Variants in COL25A1 observed in about 807,000 individuals in gnomAD.
COL25A1 encodes collagen alpha-1(XXV) chain.
In COL25A1, 103 loss-of-function variants were observed where a neutral mutation model predicts 128.4. The ratio of observed to expected loss-of-function variants is 0.80; its 90% confidence interval spans 0.68 to 0.94. The LOEUF (loss-of-function observed/expected upper bound fraction) is 0.94. Ranked by LOEUF, COL25A1 falls within the 40% of genes least tolerant of loss-of-function variation. The pLI is 0.00. For missense variants in COL25A1, 745 were observed against 840.0 expected (o/e 0.89, Z 1.40); for synonymous variants, 279 against 277.2 (o/e 1.01, Z -0.06).
intron 30 of COL25A1, 67 bp from the exon 31 acceptor site, chr4:108,841,788 A>G (rs1734493802): frequency 1.6e-6 from 2 of 1,214,416 alleles, no homozygotes; most frequent in South Asian, 1.2e-5. Flanking sequence ...AGTGAATATT[A>G]TATCACATAA....
At chr4:109,087,524 C>T (rs925905503) in intron 3 of COL25A1, among the ~76,000 whole-genome samples, 2 of 152,272 alleles carry the variant, frequency 1.3e-5, no homozygotes, top group Admixed American at 6.5e-5. Context: ...TCTAAACTTA[C>T]ATGCACACAT....
rs765991576 is a variant in COL25A1 at position 109,093,472 on chromosome 4, A to AAAAAAAAAAAAAAAAAC, written c.368-43294_368-43293insGTTTTTTTTTTTTTTTT. On this transcript the variant is annotated intron_variant, in intron 3 of 37. Transcript: ENST00000399132. Reference sequence around the variant, plus strand: ...CCATCTCTATGAAAAAAAAAAAAAAAAAAACCTTTTTTAAATTAGTTAACT... The same window carrying AAAAAAAAAAAAAAAAAC: ...CCATCTCTATGAAAAAAAAAAAAAAAAAAAAAAAAAAAAAAACAAAACCTTTTTTAAATTAGTTAACT... Among the ~76,000 whole-genome samples the AAAAAAAAAAAAAAAAAC allele has an allele frequency of 3.2e-4, 46 of 145,528 alleles. 1 individual carries two copies. Among genetic ancestry groups the AAAAAAAAAAAAAAAAAC allele is most frequent in the African/African-American group, 9.1e-4 (35 of 38,458 alleles).
At chr4:109,260,317 A>G (rs936492649) in intron 3 of COL25A1, among the ~76,000 whole-genome samples, 9 of 152,206 alleles carry the variant, frequency 5.9e-5, no homozygotes, top group African/African-American at 2.2e-4. Flanking sequence ...ACACTGGGTC[A>G]AATTTTTTTT....
chr4:108,918,261 T>C (rs1745097252), intron 12 of COL25A1, 45 bp from the exon 13 acceptor site: 5 of 1,355,432 alleles, frequency 3.7e-6, no homozygotes, highest in Non-Finnish European at 5.1e-6. Context: ...ATACACAAAA[T>C]ATTTCAATTC....
chr4:108,972,514 G>T (rs1019208774), intron 8 of COL25A1, among the ~76,000 whole-genome samples: 1 of 152,058 alleles, frequency 6.6e-6, no homozygotes, highest in Non-Finnish European at 1.5e-5. Flanking sequence ...AATGAGACCT[G>T]CTTGGAATCT....
chr4:109,203,369 A>G (rs1230400443), intron 3 of COL25A1, among the ~76,000 whole-genome samples: 1 of 152,200 alleles, frequency 6.6e-6, no homozygotes, highest in East Asian at 1.9e-4. Flanking sequence ...TTTGGAAATG[A>G]GAGTTCTCAA....
intron 6 of COL25A1, among the ~76,000 whole-genome samples, chr4:109,000,621 C>T (rs188934481): frequency 6.6e-6 from 1 of 151,850 alleles, no homozygotes; most frequent in Non-Finnish European, 1.5e-5. Flanking sequence ...TGGCACAAAC[C>T]TGTAATCCCA....
At chr4:109,092,610 T>A (rs1013959026) in intron 3 of COL25A1, among the ~76,000 whole-genome samples, 1 of 152,240 alleles carries the variant, frequency 6.6e-6, no homozygotes, top group Non-Finnish European at 1.5e-5. Flanking sequence ...GAAGTTATCT[T>A]GAATTCTAAG....
intron 3 of COL25A1, among the ~76,000 whole-genome samples, chr4:109,133,060 T>C (rs1769381905): frequency 6.6e-6 from 1 of 152,092 alleles, no homozygotes; most frequent in Admixed American, 6.5e-5. Context: ...ATAGAATTCA[T>C]TTATAATATT....
intron 3 of COL25A1, among the ~76,000 whole-genome samples, chr4:109,288,802 G>A (rs1456085871): frequency 1.3e-5 from 2 of 152,018 alleles, no homozygotes; most frequent in Non-Finnish European, 2.9e-5. Context: ...GGGCCTAGCA[G>A]ATAAAGTATA....
Position 108,845,174 on chromosome 4 carries a change from C to G in COL25A1, c.1578+15G>C. ...AGGTTCAGGAACAATGGAAGTTCAG[C>G]CACCATGGACTTACAGAAGGACCCT... On this transcript the variant is annotated intron_variant, in intron 29 of 37. Transcript: ENST00000399132. 6.2e-7 allele frequency: 1 copy of G among 1,610,224 alleles called. No individual in the cohort carries two copies. The highest frequency in any genetic ancestry group is 8.5e-7 in the Non-Finnish European group (1 of 1,176,420).
intron 3 of COL25A1, among the ~76,000 whole-genome samples, chr4:109,051,809 A>G (rs1761027061): frequency 6.6e-6 from 1 of 152,178 alleles, no homozygotes; most frequent in Non-Finnish European, 1.5e-5. Context: ...GAGATGACAG[A>G]CGAGAATTTT....
At chr4:108,825,425 G>A (rs532991529) in intron 33 of COL25A1, among the ~76,000 whole-genome samples, 1 of 152,226 alleles carries the variant, frequency 6.6e-6, no homozygotes, top group Non-Finnish European at 1.5e-5. Flanking sequence ...GGGTTAAATA[G>A]ATTAATATTT....
Position 108,884,155 on chromosome 4 carries a change from G to A in COL25A1, c.1020+23C>T, listed in dbSNP as rs762641688. 45 of 1,611,702 alleles carry A rather than the reference G, an allele frequency of 2.8e-5. No individual in the cohort carries two copies. In the East Asian group the frequency reaches 3.8e-4, roughly 14 times the overall value. ...CTCATAATTACAGTTCTGTGAAGCC[G>A]AGACTGTCCGTGCAGTATTTACCTT... On this transcript the variant is annotated intron_variant, in intron 19 of 37. Coordinates refer to ENST00000399132, the MANE Select transcript of COL25A1 (RefSeq NM_198721.4).
chr4:108,815,896 G>C (rs758579044), intron 37 of COL25A1, among the ~76,000 whole-genome samples: 4 of 152,166 alleles, frequency 2.6e-5, no homozygotes, highest in Non-Finnish European at 5.9e-5. Context: ...TCTGAGTGGT[G>C]TCAGAAGGCT....
chr4:108,818,587 T>C (rs980573091), intron 36 of COL25A1, among the ~76,000 whole-genome samples: 1 of 152,144 alleles, frequency 6.6e-6, no homozygotes, highest in Non-Finnish European at 1.5e-5. Context: ...GATTTTGAGT[T>C]CATGCCAATG....
intron 6 of COL25A1, among the ~76,000 whole-genome samples, chr4:108,982,644 G>T (rs1753105174): frequency 6.6e-6 from 1 of 152,156 alleles, no homozygotes; most frequent in African/African-American, 2.4e-5. Flanking sequence ...GCTATAAACA[G>T]ATTTATAGCT....
At position 109,278,067 on chromosome 4, in the gene COL25A1, G is replaced by A. The variant is rs185686873; in HGVS notation, c.367+22516C>T. 7.4e-3 allele frequency among the ~76,000 whole-genome samples: 1,118 copies of A among 151,004 alleles called. 10 individuals carry two copies. The highest frequency in any genetic ancestry group is 0.025 in the African/African-American group (1,046 of 41,056). Reference sequence around the variant, plus strand: ...GAAGAATCGCTTGAACCCAGGAGGCGGAGGTTGCAGCGAGCCGAGATCACA... The same window carrying A: ...GAAGAATCGCTTGAACCCAGGAGGCAGAGGTTGCAGCGAGCCGAGATCACA... On this transcript the variant is annotated intron_variant, in intron 3 of 37. Transcript: ENST00000399132.
At chr4:109,180,989 T>C (rs1774575815) in intron 3 of COL25A1, among the ~76,000 whole-genome samples, 1 of 152,170 alleles carries the variant, frequency 6.6e-6, no homozygotes, top group Non-Finnish European at 1.5e-5. Flanking sequence ...CAATATCACC[T>C]ATGCAATGCA....
Sources: allele counts gnomAD v4.1 joint callset (sites outside exome capture counted in the v4.1 genomes callset), GRCh38; gene constraint gnomAD v4.1.1; transcripts MANE v1.5; gene names NCBI Gene and HGNC (gene_info 2026-07-23, HGNC 2026-07-21).